The following PTGFRN variants were observed in gnomAD, a reference collection of about 807,000 sequenced individuals.
The protein encoded by PTGFRN is prostaglandin F2 receptor negative regulator.
Under a neutral mutation model 83.2 loss-of-function variants are expected in PTGFRN, and 35 were observed. The ratio of observed to expected loss-of-function variants is 0.42; its 90% CI spans 0.32 to 0.56. The LOEUF is 0.56. Ranked by LOEUF, PTGFRN falls within the 20% of genes least tolerant of loss-of-function variation. The pLI is 0.11. For synonymous variants in PTGFRN, 519 were observed against 498.6 expected, an observed-to-expected ratio of 1.04 and a Z score of -0.55; for missense variants, 1,051 against 1,179.5, an observed-to-expected ratio of 0.89 and a Z score of 1.60.
At chr1:116,934,380 C>T (rs1649869482) in intron 1 of PTGFRN, among the ~76,000 whole-genome samples, 1 of 152,160 alleles carries the variant, frequency 6.6e-6, no homozygotes, top group Admixed American at 6.5e-5. Context: ...CCCCTGGGCT[C>T]AAGCAGTCCT....
In PTGFRN at chr1:116,949,502, A is replaced by G. The variant is rs57119360; in HGVS notation, c.1143A>G (p.Gly381=). Residue 381 remains glycine, a synonymous_variant, in exon 4 of 9, where the codon GGA becomes GGG. Transcript: ENST00000393203. ...GCCACGTGTCCCTGTGGGCACCCGG[A>G]CACAACAGGAGCTGGCACAAAGTGG... The part of the protein sequence containing the change: ...YYCHVSLWAP[G]HNRSWHKVAE... 9.6e-4 allele frequency: 1,547 copies of G among 1,614,202 alleles called. 14 individuals are homozygous for G. The African/African-American group carries it at 0.019, about 19-fold the overall frequency.
intron 1 of PTGFRN, among the ~76,000 whole-genome samples, chr1:116,929,938 C>T (rs1295961855): frequency 6.6e-6 from 1 of 152,190 alleles, no homozygotes; most frequent in Non-Finnish European, 1.5e-5. Context: ...GATCCCATAC[C>T]CGTCATTGAA....
chr1:116,931,343 C>T (rs754924834), intron 1 of PTGFRN, among the ~76,000 whole-genome samples: 6 of 152,162 alleles, frequency 3.9e-5, no homozygotes, highest in Non-Finnish European at 4.4e-5. Context: ...GCATACCATA[C>T]GTGCCTTAAA....
intron 2 of PTGFRN, among the ~76,000 whole-genome samples, chr1:116,943,506 G>A (rs1372151326): frequency 1.3e-5 from 2 of 152,286 alleles, no homozygotes; most frequent in East Asian, 1.9e-4. Context: ...TCTTGGGTGA[G>A]GAAAGCAATG....
chr1:116,970,075 A>C (rs1458629842), intron 6 of PTGFRN, among the ~76,000 whole-genome samples: 3 of 152,194 alleles, frequency 2.0e-5, no homozygotes, highest in Non-Finnish European at 4.4e-5. Context: ...TTCCAAGCTG[A>C]ATATCTTCTA....
intron 7 of PTGFRN, among the ~76,000 whole-genome samples, chr1:116,979,387 C>A (rs1466265690): frequency 6.6e-5 from 10 of 152,148 alleles, no homozygotes; most frequent in African/African-American, 2.4e-4. Flanking sequence ...GTTCATATGG[C>A]ACCAAAAAAG....
At chr1:116,955,457 CCAGACACACA>C (rs780921335) in intron 4 of PTGFRN, among the ~76,000 whole-genome samples, 5 of 152,068 alleles carry the variant, frequency 3.3e-5, no homozygotes, top group South Asian at 4.2e-4. Flanking sequence ...ATTCCAGACA[CCAGACACACA>C]CAGACACACA....
At position 116,961,737 on chromosome 1, in the gene PTGFRN, G is replaced by A. The variant is rs1279046244; in HGVS notation, c.1639+69G>A. On this transcript the variant is annotated intron_variant, in intron 5 of 8. Coordinates refer to ENST00000393203, the MANE Select transcript of PTGFRN (RefSeq NM_020440.4). The surrounding 1 kb of genome is among the most constrained non-coding windows in gnomAD (Gnocchi z 5.4). ...TTAAGTCGTGCCGCTGTGTGTTGAT[G>A]CACAGTCACCCTCTGCAGGTTATCA... 5 of 1,410,560 alleles carry A rather than the reference G, an allele frequency of 3.5e-6. No individual in the cohort carries two copies. In the African/African-American group the frequency reaches 5.7e-5, roughly 16 times the overall value. 87.4% of individuals were successfully genotyped at this position (1,410,560 alleles called of 1,614,324 possible).
rs1339708409 is a variant in PTGFRN, at chr1:116,967,285, G to T, written c.2014G>T (p.Ala672Ser). 6.2e-7 allele frequency: 1 copy of T among 1,614,066 alleles called. No individual in the cohort carries two copies. Reference sequence around the variant, plus strand: ...CAGGGGCAGCCTTTGGCGAGAAGCAGCAACCAGTCTCTCCAATCCTATTGA... The same window carrying T: ...CAGGGGCAGCCTTTGGCGAGAAGCATCAACCAGTCTCTCCAATCCTATTGA... Reference protein sequence around the residue: ...PVRGSLWREAATSLSNPIEID... With the variant: ...PVRGSLWREASTSLSNPIEID... The change falls in exon 6 of 9, where the codon GCA becomes TCA. Residue 672 changes from alanine to serine, a missense_variant. By Grantham distance (99) the Ala-to-Ser change is moderately conservative. Transcript: ENST00000393203.
In PTGFRN at chr1:116,924,170, C is replaced by T. The variant is rs529938727; in HGVS notation, c.49+13918C>T. Among the ~76,000 whole-genome samples the T allele has an allele frequency of 1.3e-4, 16 of 123,706 alleles. No individual in the cohort carries two copies. In the East Asian group the frequency reaches 3.2e-3, roughly 24 times the overall value. 81.2% of individuals were successfully genotyped at this position (123,706 alleles called of 152,430 possible). A position where few individuals can be genotyped will look rare whatever the true frequency, so the allele number is the denominator to read the frequency against. On this transcript the variant is annotated intron_variant, in intron 1 of 8. Transcript: ENST00000393203. ...TTTTTTTTTTTTTTTTTTTTTGAGA[C>T]GGAGTCTCACTCTTTTGCCTAGACT...
chr1:116,986,340 CAG>C (rs1001934647), intron 8 of PTGFRN, among the ~76,000 whole-genome samples: 6 of 152,192 alleles, frequency 3.9e-5, no homozygotes, highest in African/African-American at 7.2e-5. Context: ...ATTTAACAAA[CAG>C]GGGAGTGATT....
At chr1:116,910,793 T>C (rs1649250979) in intron 1 of PTGFRN, among the ~76,000 whole-genome samples, 1 of 152,174 alleles carries the variant, frequency 6.6e-6, no homozygotes, top group African/African-American at 2.4e-5. Context: ...AGCGTTACAA[T>C]GGAAATCGGC....
intron 1 of PTGFRN, among the ~76,000 whole-genome samples, chr1:116,919,419 A>G (rs1649485974): frequency 6.6e-6 from 1 of 151,972 alleles, no homozygotes; most frequent in Non-Finnish European, 1.5e-5. Context: ...TTTTTTTTAA[A>G]GAGAGGGGGT....
chr1:116,945,022 C>T lies in PTGFRN; in HGVS notation c.762C>T (p.Ala254=), dbSNP rs772204879. ...GGTGTATCGTCAGCGAGTGGATCGC[C>T]GAGCAGGGCAACTGGCAGGAAATCC... The part of the protein sequence containing the change: ...SYRCIVSEWI[A]EQGNWQEIQE... The change falls in exon 3 of 9, where the codon GCC becomes GCT. Residue 254 remains alanine, a synonymous_variant. Coordinates refer to ENST00000393203, the MANE Select transcript of PTGFRN (RefSeq NM_020440.4). 4.6e-5 allele frequency: 74 copies of T among 1,613,726 alleles called. No homozygotes were observed. Among genetic ancestry groups the T allele is most frequent in the Admixed American group, 6.7e-5 (4 of 60,002 alleles).
In PTGFRN at chr1:116,979,124, C is replaced by T. The variant is rs191066738; in HGVS notation, c.2167+4801C>T. Among the ~76,000 whole-genome samples, 97 of 152,142 alleles carry T rather than the reference C, an allele frequency of 6.4e-4. 1 individual carries two copies. The East Asian group carries it at 0.018, about 28-fold the overall frequency. ...ATGAGTGAACTCCCATTCACAGTTG[C>T]TTCAAAGAGAATAAAATACCTAGGA... On this transcript the variant is annotated intron_variant, in intron 7 of 8. Coordinates refer to ENST00000393203, the MANE Select transcript of PTGFRN (RefSeq NM_020440.4).
chr1:116,986,725 A>G, intron 8 of PTGFRN, 76 bp from the exon 9 acceptor site: 1 of 1,435,522 alleles, frequency 7.0e-7, no homozygotes, highest in Non-Finnish European at 9.7e-7. Context: ...TCCAGTGGGG[A>G]AGGGAGGCGA....
At chr1:116,922,365 G>T (rs917396344) in intron 1 of PTGFRN, among the ~76,000 whole-genome samples, 8 of 152,180 alleles carry the variant, frequency 5.3e-5, no homozygotes, top group Non-Finnish European at 1.0e-4. Flanking sequence ...GCAATGATGG[G>T]AATTTTAGTT....
chr1:116,929,456 A>G (rs891117786), intron 1 of PTGFRN, among the ~76,000 whole-genome samples: 1 of 152,128 alleles, frequency 6.6e-6, no homozygotes, highest in South Asian at 2.1e-4. Context: ...TCCCATTTCA[A>G]CCAGAATCCA....
chr1:116,942,127 T>C (rs762268038), intron 2 of PTGFRN, 44 bp downstream of exon 2: 11 of 1,561,742 alleles, frequency 7.0e-6, no homozygotes, highest in Non-Finnish European at 8.7e-6. Flanking sequence ...GCCAGACCTT[T>C]CTCTGCCCCT....
Sources: allele counts gnomAD v4.1 joint callset (sites outside exome capture counted in the v4.1 genomes callset), GRCh38; gene constraint gnomAD v4.1.1; non-coding constraint Gnocchi (gnomAD v3.1); transcripts MANE v1.5; gene names NCBI Gene and HGNC (gene_info 2026-07-23, HGNC 2026-07-21).